The following ADAD1 variants were observed in gnomAD, a reference collection of about 807,000 sequenced individuals.
ADAD1 encodes the protein adenosine deaminase domain-containing protein 1.
ADAD1 carries 46 observed loss-of-function variants against 66.8 expected under a neutral mutation model. The observed-to-expected ratio is 0.69, with a 90% CI of 0.54 to 0.88. The LOEUF (loss-of-function observed/expected upper bound fraction) is 0.88. Among genes scored for constraint, ADAD1 ranks in the 40% least tolerant of loss-of-function variants. The pLI is 0.00. For missense variants in ADAD1, 617 were observed against 681.8 expected (o/e 0.91, Z 1.06); for synonymous variants, 248 against 229.4 (o/e 1.08, Z -0.73).
At position 122,415,616 on chromosome 4, in the gene ADAD1, G is replaced by C. The variant is rs1276886165; in HGVS notation, c.1487G>C (p.Ser496Thr). The C allele has an allele frequency of 1.9e-6, 3 of 1,609,930 alleles. No homozygotes were observed. The highest frequency in any genetic ancestry group is 2.7e-5 in the African/African-American group (2 of 74,834). ...GGCCTGAGTGGGAAGATCACTGAAA[G>C]GTTAAAATTACTAATTTCTTTAAAC... ...VDGLSGKITE[S>T]SPFKSGMSMA... Residue 496 changes from serine to threonine, a missense_variant and splice_region_variant, in exon 11 of 13, where the codon AGT (serine) becomes ACT (threonine). Physicochemically the swap from Ser to Thr is moderately conservative, Grantham distance 58. Transcript: ENST00000296513.
intron 12 of ADAD1, among the ~76,000 whole-genome samples, chr4:122,422,045 G>C (rs528000573): frequency 1.4e-5 from 2 of 147,606 alleles, no homozygotes; most frequent in African/African-American, 5.0e-5. Flanking sequence ...GTATGTATCT[G>C]TTTAAAAATA....
At chr4:122,392,324 A>G (rs1255799648) in intron 5 of ADAD1, among the ~76,000 whole-genome samples, 1 of 152,244 alleles carries the variant, frequency 6.6e-6, no homozygotes, top group African/African-American at 2.4e-5. Context: ...GGTAGATTGG[A>G]TAAAGAAAGT....
In ADAD1 at chr4:122,381,103, T is replaced by G. The variant is rs912868690; in HGVS notation, c.284T>G (p.Ile95Arg). Residue 95 changes from isoleucine to arginine, a missense_variant, in exon 4 of 13, where the codon ATA becomes AGA. Coordinates refer to ENST00000296513, the MANE Select transcript of ADAD1 (RefSeq NM_139243.4). ...EFIMKYKRGE[I>R]NPVSALHQFA... ...ATAATGAAATACAAACGTGGAGAGATAAATCCTGTGTCAGCCTTGCACCAG... is the reference window on the plus strand; with the variant it reads ...ATAATGAAATACAAACGTGGAGAGAGAAATCCTGTGTCAGCCTTGCACCAG... 11 of 1,606,386 alleles carry G rather than the reference T, an allele frequency of 6.8e-6. No individual in the cohort carries two copies. Among genetic ancestry groups the G allele is most frequent in the Admixed American group, 1.7e-5 (1 of 57,486 alleles).
At chr4:122,407,055 G>A (rs1482791714) in intron 7 of ADAD1, among the ~76,000 whole-genome samples, 1 of 151,600 alleles carries the variant, frequency 6.6e-6, no homozygotes, top group Non-Finnish European at 1.5e-5. Context: ...CTCAGCAATT[G>A]TTGCTGAGTT....
At chr4:122,387,124 C>T (rs913936875) in intron 5 of ADAD1, among the ~76,000 whole-genome samples, 1 of 6,942 alleles carries the variant, frequency 1.4e-4, no homozygotes, top group African/African-American at 2.3e-4. Context: ...TTAGTTTGGG[C>T]AGTATGGCCA....
intron 5 of ADAD1, among the ~76,000 whole-genome samples, chr4:122,387,067 G>T (rs1010233195): frequency 2.0e-5 from 3 of 152,264 alleles, no homozygotes; most frequent in South Asian, 4.1e-4. Context: ...TTCTAATTCT[G>T]TGAAGAATGT....
At chr4:122,413,613 T>G (rs1258734559) in intron 10 of ADAD1, among the ~76,000 whole-genome samples, 1 of 151,994 alleles carries the variant, frequency 6.6e-6, no homozygotes, top group Non-Finnish European at 1.5e-5. Flanking sequence ...CTGATTTGAT[T>G]TGTATAATTG....
chr4:122,425,009 A>T (rs772411973), intron 12 of ADAD1, among the ~76,000 whole-genome samples: 1 of 152,118 alleles, frequency 6.6e-6, no homozygotes, highest in African/African-American at 2.4e-5. Context: ...TCAATACATC[A>T]GAAAGATATG....
At chr4:122,426,876 C>T (rs186702102) in intron 12 of ADAD1, among the ~76,000 whole-genome samples, 22 of 152,294 alleles carry the variant, frequency 1.4e-4, no homozygotes, top group African/African-American at 4.8e-4. Context: ...CATTGACATT[C>T]TGCTTAATGG....
At position 122,380,055 on chromosome 4, in the gene ADAD1, C is replaced by T; in HGVS notation, c.-8-7C>T. On this transcript the variant is annotated splice_polypyrimidine_tract_variant and splice_region_variant and intron_variant, in intron 2 of 12. Transcript: ENST00000296513. ...TTGTTTTCTGCCAATTTTATCGTGACCTCTAGGTGAGAAAATGGCTAGCAA... is the reference window on the plus strand; with the variant it reads ...TTGTTTTCTGCCAATTTTATCGTGATCTCTAGGTGAGAAAATGGCTAGCAA... The T allele has an allele frequency of 2.5e-6, 4 of 1,607,684 alleles. No individual in the cohort carries two copies. Among genetic ancestry groups the T allele is most frequent in the Non-Finnish European group, 3.4e-6 (4 of 1,177,510 alleles).
intron 10 of ADAD1, among the ~76,000 whole-genome samples, chr4:122,414,760 G>A (rs534239549): frequency 6.6e-6 from 1 of 152,190 alleles, no homozygotes; most frequent in Non-Finnish European, 1.5e-5. Flanking sequence ...CCTAACTTCT[G>A]TTTTAAGTTT....
intron 12 of ADAD1, among the ~76,000 whole-genome samples, chr4:122,422,450 A>G (rs114857007): frequency 0.01 from 1,587 of 152,208 alleles, 16 homozygotes; most frequent in Non-Finnish European, 0.016. Context: ...CCATGTTACC[A>G]TTATTAAATA....
intron 7 of ADAD1, among the ~76,000 whole-genome samples, chr4:122,402,535 C>G (rs895311346): frequency 3.3e-5 from 5 of 152,096 alleles, no homozygotes; most frequent in Admixed American, 6.6e-5. Flanking sequence ...ATTTGGATGT[C>G]TACATCTCTA....
chr4:122,390,190 A>G (rs895201139), intron 5 of ADAD1, among the ~76,000 whole-genome samples: 5 of 152,056 alleles, frequency 3.3e-5, no homozygotes, highest in Admixed American at 1.3e-4. Context: ...TTGGCCCCCA[A>G]TCTCTCCTGG....
chr4:122,423,743 T>A (rs1215737179), intron 12 of ADAD1, among the ~76,000 whole-genome samples: 1 of 152,128 alleles, frequency 6.6e-6, no homozygotes, highest in East Asian at 1.9e-4. Flanking sequence ...AGATATTATG[T>A]CAAGTGAAAG....
chr4:122,418,820 G>A (rs1796874813), intron 11 of ADAD1, among the ~76,000 whole-genome samples: 2 of 152,194 alleles, frequency 1.3e-5, no homozygotes, highest in Middle Eastern at 3.4e-3. Flanking sequence ...GCTAATCAAA[G>A]CCACAATGAG....
At chr4:122,429,528 C>A in intron 12 of ADAD1, 98 bp from the exon 13 acceptor site, 6 of 658,708 alleles carry the variant, frequency 9.1e-6, no homozygotes, top group Admixed American at 6.0e-5. Flanking sequence ...CTTTGATTAA[C>A]TTTTTTAAAT....
In ADAD1 at chr4:122,412,565, C is replaced by A. The variant is rs551359362; in HGVS notation, c.1020-15C>A. The A allele has an allele frequency of 5.2e-5, 83 of 1,604,144 alleles. No individual in the cohort carries two copies. The South Asian group carries it at 7.8e-4, about 15-fold the overall frequency. On this transcript the variant is annotated splice_polypyrimidine_tract_variant and intron_variant, in intron 9 of 12. Transcript: ENST00000296513. The stretch of plus-strand genomic sequence containing the variant: ...TTTGTTTTTTAAAGGAAGAAACTTT[C>A]TTTTCTTTCTCTAGACGTCTTAATC...
At chr4:122,405,296 C>T (rs1449844769) in intron 7 of ADAD1, among the ~76,000 whole-genome samples, 1 of 152,108 alleles carries the variant, frequency 6.6e-6, no homozygotes, top group African/African-American at 2.4e-5. Flanking sequence ...ACAAAGAAAC[C>T]CTCCTTTAAA....
Sources: allele counts gnomAD v4.1 joint callset (sites outside exome capture counted in the v4.1 genomes callset), GRCh38; gene constraint gnomAD v4.1.1; transcripts MANE v1.5; gene names NCBI Gene and HGNC (gene_info 2026-07-23, HGNC 2026-07-21).